Variants in GRM8 observed in about 807,000 individuals in gnomAD.
GRM8 encodes the protein metabotropic glutamate receptor 8.
In GRM8, 47 loss-of-function variants were observed where a neutral mutation model predicts 87.2. The ratio of observed to expected loss-of-function variants is 0.54; its 90% CI spans 0.43 to 0.69. The LOEUF (loss-of-function observed/expected upper bound fraction) is 0.69. Ranked by LOEUF, GRM8 falls within the 30% of genes least tolerant of loss-of-function variation. GRM8 has a pLI of 0.00. For missense variants in GRM8, 1,019 were observed against 1,139.2 expected, an observed-to-expected ratio of 0.89 and a Z score of 1.52; for synonymous variants, 396 against 404.5, an observed-to-expected ratio of 0.98 and a Z score of 0.25.
At position 126,548,184 on chromosome 7, in the gene GRM8, A is replaced by T. The variant is rs561815238; in HGVS notation, c.1495-14297T>A. On this transcript the variant is annotated intron_variant, in intron 8 of 10. Transcript: ENST00000339582. The stretch of plus-strand genomic sequence containing the variant: ...CCTGTCGTGGGGTGGAGGGATGAGG[A>T]GGGATAGCATTAGGAGAAATGCCTA... Among the ~76,000 whole-genome samples the T allele has an allele frequency of 3.5e-4, 54 of 152,162 alleles. 1 individual carries two copies. Among genetic ancestry groups the T allele is most frequent in the African/African-American group, 1.3e-3 (52 of 41,526 alleles).
intron 8 of GRM8, among the ~76,000 whole-genome samples, chr7:126,558,664 T>A (rs928818778): frequency 2.0e-5 from 3 of 152,178 alleles, no homozygotes; most frequent in Non-Finnish European, 4.4e-5. Context: ...TTTTAGGGAA[T>A]AATGATGAGA....
At chr7:126,721,898 G>T (rs900475295) in intron 7 of GRM8, among the ~76,000 whole-genome samples, 1 of 151,848 alleles carries the variant, frequency 6.6e-6, no homozygotes, top group African/African-American at 2.4e-5. Context: ...TGATTTTTTT[G>T]TTGTTGTTTG....
At chr7:126,827,678 C>A (rs1211946398) in intron 6 of GRM8, among the ~76,000 whole-genome samples, 1 of 152,184 alleles carries the variant, frequency 6.6e-6, no homozygotes, top group Non-Finnish European at 1.5e-5. Flanking sequence ...AATTTGACTT[C>A]TTTTCCTAAT....
chr7:126,929,709 C>T (rs1309609985), intron 3 of GRM8, among the ~76,000 whole-genome samples: 1 of 141,070 alleles, frequency 7.1e-6, no homozygotes, highest in African/African-American at 2.7e-5. Flanking sequence ...GCTGGGATTA[C>T]AGGCATGAGC....
chr7:127,085,599 A>G (rs1221437487), intron 3 of GRM8, among the ~76,000 whole-genome samples: 1 of 152,190 alleles, frequency 6.6e-6, no homozygotes, highest in Non-Finnish European at 1.5e-5. Context: ...TTGGCTGCAT[A>G]AATGTGTTCT....
In GRM8 at chr7:126,830,075, G is replaced by A. The variant is rs1214048333; in HGVS notation, c.1157-60010C>T. On this transcript the variant is annotated intron_variant, in intron 6 of 10. Transcript: ENST00000339582. ...TAGAGTTTCTGCCGAGAGATCAGCT[G>A]TTAGTCTGATGGGCTTCCCTTTGAG... Among the ~76,000 whole-genome samples, 4 of 152,314 alleles carry A rather than the reference G, an allele frequency of 2.6e-5. No individual in the cohort carries two copies. The East Asian group carries it at 5.8e-4, about 22-fold the overall frequency.
At chr7:126,471,773 A>T (rs972235623) in intron 9 of GRM8, among the ~76,000 whole-genome samples, 10 of 151,868 alleles carry the variant, frequency 6.6e-5, no homozygotes, top group Admixed American at 5.9e-4. Flanking sequence ...TCTATAAATT[A>T]CCTTGGGCAG....
chr7:126,841,792 A>AT (rs903512314), intron 6 of GRM8, among the ~76,000 whole-genome samples: 19 of 150,772 alleles, frequency 1.3e-4, no homozygotes, highest in South Asian at 2.1e-4. Context: ...AAGCCTGGCT[A>AT]TTTTTTTTTA....
At chr7:126,806,992 C>T (rs577553453) in intron 6 of GRM8, among the ~76,000 whole-genome samples, 20 of 152,310 alleles carry the variant, frequency 1.3e-4, no homozygotes, top group Middle Eastern at 3.4e-3. Flanking sequence ...GCGGCCAGAG[C>T]GGACGCCGAG....
chr7:127,168,673 G>C (rs568160606), intron 2 of GRM8, among the ~76,000 whole-genome samples: 114 of 152,204 alleles, frequency 7.5e-4, no homozygotes, highest in Non-Finnish European at 1.3e-3. Flanking sequence ...GAATACTATA[G>C]AGCCATAAAA....
At chr7:126,979,628 T>G (rs987688111) in intron 3 of GRM8, among the ~76,000 whole-genome samples, 1 of 152,224 alleles carries the variant, frequency 6.6e-6, no homozygotes, top group Non-Finnish European at 1.5e-5. Context: ...TGAAAGCCTC[T>G]AGTTCTCTAA....
intron 3 of GRM8, among the ~76,000 whole-genome samples, chr7:126,949,229 A>G (rs900260581): frequency 2.0e-5 from 3 of 152,078 alleles, no homozygotes; most frequent in African/African-American, 7.2e-5. Context: ...GAAGCTTGGA[A>G]CCTGAGACAT....
intron 2 of GRM8, among the ~76,000 whole-genome samples, chr7:127,227,211 T>A (rs1797388941): frequency 6.6e-6 from 1 of 152,144 alleles, no homozygotes; most frequent in Non-Finnish European, 1.5e-5. Context: ...CAAGGATGGA[T>A]AAGTCGGGCT....
intron 3 of GRM8, among the ~76,000 whole-genome samples, chr7:126,907,754 C>T (rs1004865205): frequency 2.0e-5 from 3 of 152,092 alleles, no homozygotes; most frequent in Non-Finnish European, 4.4e-5. Context: ...GGATGACGAT[C>T]GCTGATACAG....
At position 127,081,836 on chromosome 7, in the gene GRM8, A is replaced by G. The variant is rs115305303; in HGVS notation, c.727+24660T>C. Among the ~76,000 whole-genome samples, 640 of 152,320 alleles carry G rather than the reference A, an allele frequency of 4.2e-3. 6 individuals are homozygous for G. Among genetic ancestry groups the G allele is most frequent in the African/African-American group, 0.014 (596 of 41,580 alleles). On this transcript the variant is annotated intron_variant, in intron 3 of 10. Coordinates refer to ENST00000339582, the MANE Select transcript of GRM8 (RefSeq NM_000845.3). ...CGGGTGGGAGGAGGTAAAGGTGCAG[A>G]GAGAGAAGCATGGGAGAAGGAATTC...
intron 2 of GRM8, among the ~76,000 whole-genome samples, chr7:127,108,295 G>A (rs1826007127): frequency 6.6e-6 from 1 of 151,882 alleles, no homozygotes. Context: ...GACCTGGGAA[G>A]GAAACCATGG....
intron 7 of GRM8, among the ~76,000 whole-genome samples, chr7:126,734,359 T>C (rs1813953852): frequency 6.6e-6 from 1 of 151,848 alleles, no homozygotes; most frequent in African/African-American, 2.4e-5. Context: ...GCTTGCCCTA[T>C]TAGATATTAA....
intron 3 of GRM8, among the ~76,000 whole-genome samples, chr7:126,918,535 A>T (rs1016886897): frequency 3.3e-5 from 5 of 152,232 alleles, no homozygotes; most frequent in African/African-American, 1.2e-4. Flanking sequence ...GCAACACATC[A>T]ATCCTAAGAA....
intron 6 of GRM8, among the ~76,000 whole-genome samples, chr7:126,843,955 G>C (rs968739546): frequency 6.6e-6 from 1 of 152,168 alleles, no homozygotes; most frequent in African/African-American, 2.4e-5. Context: ...TTATAAAATT[G>C]CACAGGGATG....
Sources: allele counts gnomAD v4.1 joint callset (sites outside exome capture counted in the v4.1 genomes callset), GRCh38; gene constraint gnomAD v4.1.1; transcripts MANE v1.5; gene names NCBI Gene and HGNC (gene_info 2026-07-23, HGNC 2026-07-21).